The following RDX variants were observed in gnomAD, a reference collection of about 807,000 sequenced individuals.
RDX encodes deafness, autosomal recessive 24.
A neutral mutation model predicts 83.7 loss-of-function variants in RDX; 32 were observed. That is an observed-to-expected ratio of 0.38 (90% CI 0.29 to 0.51). The LOEUF (loss-of-function observed/expected upper bound fraction) is 0.51. Among genes scored for constraint, RDX ranks in the 20% least tolerant of loss-of-function variants. The probability of loss-of-function intolerance (pLI) is 0.87; values close to 1 mark genes in which losing one functional copy is unlikely to be tolerated. For synonymous variants in RDX, 229 were observed against 222.7 expected (o/e 1.03, Z -0.25); for missense variants, 600 against 689.9 (o/e 0.87, Z 1.46).
At chr11:110,227,413 G>A (rs1389159494), downstream of RDX, among the ~76,000 whole-genome samples, 1 of 152,008 alleles carries the variant, frequency 6.6e-6, no homozygotes, top group Non-Finnish European at 1.5e-5. Flanking sequence ...TAAATGGCAT[G>A]CATAAATATA....
chr11:110,217,982 A>C (rs1298392670), intron 14 of RDX, among the ~76,000 whole-genome samples: 1 of 152,196 alleles, frequency 6.6e-6, no homozygotes. Context: ...GCATCTAATA[A>C]ATGTTTAATG....
rs571449518 is a variant in RDX at position 110,278,505 on chromosome 11, G to C, written c.12+1176C>G. Among the ~76,000 whole-genome samples the C allele has an allele frequency of 7.2e-4, 109 of 152,046 alleles. 1 individual carries two copies. Among genetic ancestry groups the C allele is most frequent in the Admixed American group, 3.1e-3 (48 of 15,278 alleles). Reference sequence around the variant, plus strand: ...ACAGCATCTGTACATTTATTACTAAGTGTGTCATGTTTTTTAATAACTAAA... The same window carrying C: ...ACAGCATCTGTACATTTATTACTAACTGTGTCATGTTTTTTAATAACTAAA... On this transcript the variant is annotated intron_variant, in intron 2 of 13. Coordinates refer to ENST00000645495, the MANE Select transcript of RDX (RefSeq NM_002906.4).
intron 1 of RDX, among the ~76,000 whole-genome samples, chr11:110,283,959 C>T (rs1428436041): frequency 6.6e-6 from 1 of 152,112 alleles, no homozygotes; most frequent in Non-Finnish European, 1.5e-5. Flanking sequence ...AGATTCCACT[C>T]AGTAAACACT....
At chr11:110,233,149 T>C (rs916636500) in intron 13 of RDX, 88 bp downstream of exon 13, 23 of 1,529,262 alleles carry the variant, frequency 1.5e-5, no homozygotes, top group Middle Eastern at 4.7e-4. Flanking sequence ...GTATTAAAAC[T>C]TCTATATTCT....
At chr11:110,278,844 C>T (rs1383645378) in intron 2 of RDX, among the ~76,000 whole-genome samples, 1 of 148,912 alleles carries the variant, frequency 6.7e-6, no homozygotes, top group Non-Finnish European at 1.5e-5. Context: ...TTATAATTGG[C>T]CAAAAGAAAC....
intron 13 of RDX, among the ~76,000 whole-genome samples, chr11:110,232,377 C>G (rs560667855): frequency 1.3e-5 from 2 of 152,152 alleles, no homozygotes; most frequent in Admixed American, 1.3e-4. Flanking sequence ...CTCCAAAAGT[C>G]TTAATACATT....
chr11:110,238,769 C>CA (rs1340542918), intron 10 of RDX, among the ~76,000 whole-genome samples: 2 of 151,120 alleles, frequency 1.3e-5, no homozygotes, highest in Non-Finnish European at 2.9e-5. Context: ...ACTAAAAATA[C>CA]AAAAATTAGC....
intron 14 of RDX, among the ~76,000 whole-genome samples, chr11:110,201,313 G>A (rs1863393351): frequency 6.6e-6 from 1 of 152,094 alleles, no homozygotes. Flanking sequence ...TAAAGGAGCA[G>A]AGAGAGCAAA....
chr11:110,270,651 C>A (rs1483926828), intron 3 of RDX, among the ~76,000 whole-genome samples: 1 of 152,162 alleles, frequency 6.6e-6, no homozygotes, highest in Non-Finnish European at 1.5e-5. Context: ...ATTAATTTGT[C>A]CAAAGTCAAA....
rs1444441397 is a variant in RDX, at chr11:110,279,678, T to A, written c.12+3A>T. On this transcript the variant is annotated splice_donor_region_variant and intron_variant, in intron 2 of 13. Coordinates refer to ENST00000645495, the MANE Select transcript of RDX (RefSeq NM_002906.4). ...ACTGTCAAATGTAATAAAATACACT[T>A]ACTGGTTTCGGCATTTTCTTTCTCT... is the stretch of plus-strand genomic sequence containing the variant. The A allele has an allele frequency of 6.5e-7, 1 of 1,528,746 alleles. No individual in the cohort carries two copies. Among genetic ancestry groups the A allele is most frequent in the Admixed American group, 1.7e-5 (1 of 59,800 alleles). 94.7% of individuals were successfully genotyped at this position (1,528,746 alleles called of 1,614,324 possible).
At chr11:110,178,465 G>T (rs762329571) in intron 15 of RDX, among the ~76,000 whole-genome samples, 3 of 152,264 alleles carry the variant, frequency 2.0e-5, no homozygotes, top group Non-Finnish European at 2.9e-5. Flanking sequence ...ACTATGCCGT[G>T]GCTATTACAT....
chr11:110,198,892 T>C (rs553023798), intron 15 of RDX, among the ~76,000 whole-genome samples: 1 of 152,006 alleles, frequency 6.6e-6, no homozygotes, highest in Non-Finnish European at 1.5e-5. Flanking sequence ...CTCGGCTCAC[T>C]GCAACCTGTG....
rs727503393 is a variant in RDX, at chr11:110,236,102, G to T, written c.1341C>A (p.His447Gln). The change falls in exon 12 of 14, where the codon CAC becomes CAA. Residue 447 changes from histidine to glutamine, a missense_variant. Coordinates refer to ENST00000645495, the MANE Select transcript of RDX (RefSeq NM_002906.4). The stretch of plus-strand genomic sequence containing the variant: ...TAGTAAATGAATAAATGATTACTTT[G>T]TGTTGCCACTCAGTAGCTTCCTCTT... ...KKEEEATEWQ[H>Q]KAFAAQEDLE... The T allele has an allele frequency of 1.2e-6, 2 of 1,605,180 alleles. No homozygotes were observed. Among genetic ancestry groups the T allele is most frequent in the Non-Finnish European group, 1.7e-6 (2 of 1,173,660 alleles).
chr11:110,290,417 T>C (rs1441414461), intron 1 of RDX, among the ~76,000 whole-genome samples: 1 of 151,164 alleles, frequency 6.6e-6, no homozygotes, highest in Non-Finnish European at 1.5e-5. Flanking sequence ...GAGACTGAGG[T>C]GGAGGGATCA....
At chr11:110,255,797 G>A (rs997049791) in intron 7 of RDX, among the ~76,000 whole-genome samples, 3 of 151,958 alleles carry the variant, frequency 2.0e-5, no homozygotes, top group African/African-American at 7.3e-5. Context: ...TGTGAATTAC[G>A]GGCAAGTTAC....
chr11:110,202,566 G>A (rs1018792085), intron 14 of RDX, among the ~76,000 whole-genome samples: 1 of 151,048 alleles, frequency 6.6e-6, no homozygotes, highest in Admixed American at 6.6e-5. Context: ...CCACATGTGT[G>A]CTTCACTACA....
At chr11:110,240,427 A>G (rs1865038936) in intron 10 of RDX, among the ~76,000 whole-genome samples, 1 of 152,188 alleles carries the variant, frequency 6.6e-6, no homozygotes, top group African/African-American at 2.4e-5. Flanking sequence ...TGTATTTATT[A>G]CTACTGAACT....
Position 110,178,301 on chromosome 11 carries a change from T to C in RDX, c.*32-3067A>G, listed in dbSNP as rs558776592. On this transcript the variant is annotated intron_variant, in intron 15 of 15. Coordinates refer to the RDX transcript ENST00000528498. ...ATCCTGATTCTGAATTTGGGTTCAGTACTTTCCCCCTTTGCCCAAATCAGG... is the reference window on the plus strand; with the variant it reads ...ATCCTGATTCTGAATTTGGGTTCAGCACTTTCCCCCTTTGCCCAAATCAGG... 3.3e-5 allele frequency among the ~76,000 whole-genome samples: 5 copies of C among 150,844 alleles called. No homozygotes were observed. The South Asian group carries it at 1.1e-3, about 32-fold the overall frequency.
intron 14 of RDX, among the ~76,000 whole-genome samples, chr11:110,214,907 G>A (rs1191810101): frequency 6.8e-6 from 1 of 147,468 alleles, no homozygotes; most frequent in Non-Finnish European, 1.5e-5. Flanking sequence ...CAAGTTAGTG[G>A]GTGCAGCGCA....
Sources: allele counts gnomAD v4.1 joint callset (sites outside exome capture counted in the v4.1 genomes callset), GRCh38; gene constraint gnomAD v4.1.1; transcripts MANE v1.5; gene names NCBI Gene and HGNC (gene_info 2026-07-23, HGNC 2026-07-21).